MAGI2: variants seen among roughly 807,000 people sequenced by gnomAD.
MAGI2 encodes the protein membrane associated guanylate kinase, WW and PDZ domain containing 2, also known as membrane-associated guanylate kinase, WW and PDZ domain-containing protein 2.
MAGI2 carries 35 observed loss-of-function variants against 133.3 expected under a neutral mutation model. The ratio of observed to expected loss-of-function variants is 0.26; its 90% CI spans 0.20 to 0.35. The LOEUF (loss-of-function observed/expected upper bound fraction) is 0.35, where lower values mean the gene tolerates loss of function less well. Ranked by LOEUF, MAGI2 falls within the 10% of genes least tolerant of loss-of-function variation. The pLI is 1.00. For synonymous variants in MAGI2, 729 were observed against 710.6 expected (o/e 1.03, Z -0.41); for missense variants, 1,636 against 1,863.4 (o/e 0.88, Z 2.25).
In MAGI2 at chr7:78,571,595, A is replaced by T. The variant is rs558607165; in HGVS notation, c.539-49950T>A. The stretch of plus-strand genomic sequence containing the variant: ...GGATGGATGGTTATAATTTCAGGTG[A>T]CAAGGACAACTCAGTGAGACAACTG... On this transcript the variant is annotated intron_variant, in intron 3 of 21. Transcript: ENST00000354212. Among the ~76,000 whole-genome samples the T allele has an allele frequency of 3.9e-4, 59 of 152,320 alleles. 1 individual carries two copies. The highest frequency in any genetic ancestry group is 1.3e-3 in the African/African-American group (54 of 41,576).
intron 1 of MAGI2, among the ~76,000 whole-genome samples, chr7:79,224,046 C>T (rs1227592613): frequency 6.6e-6 from 1 of 152,036 alleles, no homozygotes; most frequent in Non-Finnish European, 1.5e-5. Flanking sequence ...GCACAGTATT[C>T]TTGGCTAATA....
chr7:78,618,496 GT>G (rs1381516464), intron 3 of MAGI2: 1 of 151,916 alleles, frequency 6.6e-6, no homozygotes, highest in African/African-American at 2.4e-5. Context: ...GGTTCTGTTT[GT>G]TAAAGCAGTA....
intron 4 of MAGI2, among the ~76,000 whole-genome samples, chr7:78,516,197 G>C (rs931176449): frequency 3.6e-4 from 55 of 152,192 alleles, no homozygotes; most frequent in African/African-American, 1.2e-3. Context: ...GTGTGGATGA[G>C]AGAAAGGAGT....
At chr7:78,104,848 A>G (rs942957175) in intron 20 of MAGI2, among the ~76,000 whole-genome samples, 1 of 152,172 alleles carries the variant, frequency 6.6e-6, no homozygotes, top group Non-Finnish European at 1.5e-5. Flanking sequence ...ACTGTTTGCT[A>G]TATCTTTATT....
intron 2 of MAGI2, among the ~76,000 whole-genome samples, chr7:78,984,116 A>C (rs1584578092): frequency 6.6e-6 from 1 of 151,974 alleles, no homozygotes; most frequent in South Asian, 2.1e-4. Context: ...TTAACTCGTT[A>C]CTTTTTCTTC....
chr7:79,417,409 T>C (rs956491193), intron 1 of MAGI2, among the ~76,000 whole-genome samples: 10 of 152,160 alleles, frequency 6.6e-5, no homozygotes, highest in Admixed American at 5.2e-4. Context: ...TGGGTACTTA[T>C]CTTTGCATTC....
At chr7:79,276,376 T>G (rs933652044) in intron 1 of MAGI2, among the ~76,000 whole-genome samples, 7 of 152,146 alleles carry the variant, frequency 4.6e-5, no homozygotes, top group African/African-American at 9.7e-5. Context: ...ACTCCACCCT[T>G]TAGCAACCAC....
intron 6 of MAGI2, among the ~76,000 whole-genome samples, chr7:78,427,671 A>C (rs963176626): frequency 6.6e-6 from 1 of 151,866 alleles, no homozygotes; most frequent in Non-Finnish European, 1.5e-5. Flanking sequence ...AAAAAAAAAA[A>C]AAACAGCCAG....
In MAGI2 at chr7:78,502,913, T is replaced by C. The variant is rs938846168; in HGVS notation, c.755-1126A>G. ...TTTATCTAAGATGAAGAAACACCAG[T>C]CTGTAGATTGAAATAGTTCACTGAA... On this transcript the variant is annotated intron_variant, in intron 4 of 21. Transcript: ENST00000354212. Among the ~76,000 whole-genome samples the C allele has an allele frequency of 2.0e-5, 3 of 152,048 alleles. No individual in the cohort carries two copies. In the South Asian group the frequency reaches 6.2e-4, roughly 32 times the overall value.
At chr7:78,847,594 G>A (rs181719287) in intron 2 of MAGI2, among the ~76,000 whole-genome samples, 3 of 152,114 alleles carry the variant, frequency 2.0e-5, no homozygotes, top group Admixed American at 2.0e-4. Context: ...GTACAACCAT[G>A]AAATTTTATT....
At position 78,343,795 on chromosome 7, in the gene MAGI2, T is replaced by C. The variant is rs759295052; in HGVS notation, c.1391A>G (p.Asp464Gly). The C allele has an allele frequency of 2.1e-5, 34 of 1,582,258 alleles. No individual in the cohort carries two copies. The highest frequency in any genetic ancestry group is 1.7e-4 in the Middle Eastern group (1 of 5,886). Residue 464 changes from aspartate to glycine, a missense_variant, in exon 9 of 22, where the codon GAT becomes GGT. Physicochemically the swap from Asp to Gly is moderately conservative, Grantham distance 94. Transcript: ENST00000354212. ...GACCTTACCTGTTTCCATTTTTCCA[T>C]CCTGTGCTGCAGGCCCATCCGGAAT... ...SVIPDGPAAQ[D>G]GKMETGDVIV...
At chr7:78,777,456 A>G (rs1158982419) in intron 2 of MAGI2, among the ~76,000 whole-genome samples, 1 of 152,084 alleles carries the variant, frequency 6.6e-6, no homozygotes, top group Non-Finnish European at 1.5e-5. Context: ...TACCACCACC[A>G]TTATCACTGT....
intron 1 of MAGI2, among the ~76,000 whole-genome samples, chr7:79,165,800 G>A (rs1824848545): frequency 6.6e-6 from 1 of 152,030 alleles, no homozygotes; most frequent in African/African-American, 2.4e-5. Context: ...ACAAGGCAGA[G>A]TTGAATATTT....
intron 16 of MAGI2, 35 bp downstream of exon 16, chr7:78,159,990 C>A: frequency 6.6e-7 from 1 of 1,524,398 alleles, no homozygotes; most frequent in South Asian, 1.4e-5. Context: ...AAAACAAGAC[C>A]CCTTATTCAA....
intron 1 of MAGI2, among the ~76,000 whole-genome samples, chr7:79,053,680 T>C (rs1812886190): frequency 6.6e-6 from 1 of 152,178 alleles, no homozygotes; most frequent in East Asian, 1.9e-4. Flanking sequence ...ATTTGATATA[T>C]GGCAAAAGAA....
chr7:78,277,211 A>AATTTTCCTTGCT, intron 9 of MAGI2, among the ~76,000 whole-genome samples: 1 of 152,292 alleles, frequency 6.6e-6, no homozygotes, highest in East Asian at 1.9e-4. Context: ...CCTTGATCTT[A>AATTTTCCTTGCT]AAGTATAGTA....
At chr7:78,507,488 A>T (rs571706972) in intron 4 of MAGI2, among the ~76,000 whole-genome samples, 1 of 152,220 alleles carries the variant, frequency 6.6e-6, no homozygotes, top group South Asian at 2.1e-4. Context: ...AAATCCCTGC[A>T]CCTCTTCTGG....
intron 21 of MAGI2, among the ~76,000 whole-genome samples, chr7:78,053,230 G>A (rs1254277155): frequency 2.0e-5 from 3 of 152,218 alleles, no homozygotes; most frequent in Admixed American, 6.5e-5. Flanking sequence ...CAGTAGGAAC[G>A]TTTTCAAAAT....
chr7:78,145,960 T>C (rs948571311), intron 16 of MAGI2, among the ~76,000 whole-genome samples: 8 of 152,134 alleles, frequency 5.3e-5, no homozygotes, highest in Non-Finnish European at 1.2e-4. Flanking sequence ...ATTCAACATA[T>C]AGGTTTTGGA....
Sources: gnomAD v4.1 joint callset for allele counts (sites outside exome capture counted in the v4.1 genomes callset) on GRCh38, gnomAD v4.1.1 for gene constraint, MANE v1.5 for transcripts, NCBI Gene and HGNC (gene_info 2026-07-23, HGNC 2026-07-21) for gene names.